Variants in SLC25A13 observed in about 807,000 individuals in gnomAD.
The protein encoded by SLC25A13 is electrogenic aspartate/glutamate antiporter SLC25A13, mitochondrial.
In SLC25A13, 70 loss-of-function variants were observed where a neutral mutation model predicts 85.5. The ratio of observed to expected loss-of-function variants is 0.82; its 90% CI spans 0.68 to 1.00. The LOEUF (loss-of-function observed/expected upper bound fraction) is 1.00. Among genes scored for constraint, SLC25A13 ranks in the 50% least tolerant of loss-of-function variants. The pLI is 0.00. For missense variants in SLC25A13, 765 were observed against 819.8 expected, an observed-to-expected ratio of 0.93 and a Z score of 0.82; for synonymous variants, 259 against 288.7, an observed-to-expected ratio of 0.90 and a Z score of 1.04.
intron 1 of SLC25A13, among the ~76,000 whole-genome samples, chr7:96,308,228 A>C (rs1401552992): frequency 6.6e-6 from 1 of 152,112 alleles, no homozygotes; most frequent in African/African-American, 2.4e-5. Context: ...ATCTGCTAAA[A>C]GTAAGAGAAT....
intron 1 of SLC25A13, among the ~76,000 whole-genome samples, chr7:96,317,642 G>A (rs905191562): frequency 4.0e-5 from 6 of 151,636 alleles, no homozygotes; most frequent in Admixed American, 3.9e-4. Flanking sequence ...CTCAGAAATG[G>A]GCTCTTCTCC....
At chr7:96,230,180 G>A (rs944725839) in intron 4 of SLC25A13, among the ~76,000 whole-genome samples, 1 of 152,292 alleles carries the variant, frequency 6.6e-6, no homozygotes, top group Admixed American at 6.5e-5. Context: ...AAATACATGC[G>A]ACATGGATTA....
At chr7:96,311,614 T>C (rs1242601817) in intron 1 of SLC25A13, among the ~76,000 whole-genome samples, 1 of 152,200 alleles carries the variant, frequency 6.6e-6, no homozygotes, top group African/African-American at 2.4e-5. Flanking sequence ...TATATCTGAA[T>C]ATTGATTAGA....
intron 11 of SLC25A13, among the ~76,000 whole-genome samples, chr7:96,179,135 T>C (rs185857018): frequency 1.2e-4 from 19 of 152,324 alleles, no homozygotes; most frequent in Non-Finnish European, 8.8e-5. Flanking sequence ...GTTCCTCAAC[T>C]CCTCTATTCT....
At chr7:96,188,966 A>C (rs1369041626) in intron 9 of SLC25A13, among the ~76,000 whole-genome samples, 1 of 152,244 alleles carries the variant, frequency 6.6e-6, no homozygotes, top group Non-Finnish European at 1.5e-5. Flanking sequence ...CAGTGACACC[A>C]ACACGGGATT....
At chr7:96,308,925 G>A (rs1453127180) in intron 1 of SLC25A13, among the ~76,000 whole-genome samples, 1 of 152,118 alleles carries the variant, frequency 6.6e-6, no homozygotes, top group Admixed American at 6.5e-5. Context: ...GTTGCTGTTG[G>A]ACACCACAAA....
intron 3 of SLC25A13, among the ~76,000 whole-genome samples, chr7:96,274,217 G>C (rs768343519): frequency 1.3e-5 from 2 of 151,468 alleles, no homozygotes; most frequent in African/African-American, 2.4e-5. Context: ...AAAAAAAATG[G>C]TATCTCATTA....
chr7:96,186,459 T>A (rs977677391), intron 9 of SLC25A13, among the ~76,000 whole-genome samples: 1 of 152,046 alleles, frequency 6.6e-6, no homozygotes, highest in Non-Finnish European at 1.5e-5. Context: ...TAGAAGATAA[T>A]CATGCATGTA....
At chr7:96,283,422 T>C (rs754636749) in intron 2 of SLC25A13, 27 of 422,446 alleles carry the variant, frequency 6.4e-5, no homozygotes, top group East Asian at 2.6e-4. Flanking sequence ...TTAGAAAACA[T>C]AGAGTTGTTC....
chr7:96,192,675 A>G (rs1471285952), intron 6 of SLC25A13, among the ~76,000 whole-genome samples: 2 of 93,070 alleles, frequency 2.1e-5, no homozygotes, highest in African/African-American at 7.0e-5. Flanking sequence ...AATGATATAC[A>G]TGTGCACTAT....
intron 2 of SLC25A13, among the ~76,000 whole-genome samples, chr7:96,293,299 C>A (rs1487935716): frequency 2.6e-4 from 40 of 152,168 alleles, no homozygotes; most frequent in South Asian, 6.2e-4. Flanking sequence ...TAAAGACTTA[C>A]ATGTTAGACC....
chr7:96,184,129 C>T, intron 11 of SLC25A13, 148 bp downstream of exon 11: 1 of 960,362 alleles, frequency 1.0e-6, no homozygotes, highest in Admixed American at 1.9e-5. Context: ...CTAGATGCCT[C>T]CAGCCTACTC....
At chr7:96,122,382 C>T (rs1791549577) in intron 15 of SLC25A13, among the ~76,000 whole-genome samples, 1 of 152,118 alleles carries the variant, frequency 6.6e-6, no homozygotes, top group African/African-American at 2.4e-5. Flanking sequence ...GTTATTAGGT[C>T]CGATTTTTCA....
At chr7:96,260,598 A>G (rs1170467392) in intron 3 of SLC25A13, among the ~76,000 whole-genome samples, 3 of 152,148 alleles carry the variant, frequency 2.0e-5, no homozygotes, top group Non-Finnish European at 2.9e-5. Flanking sequence ...CATGTTTAAC[A>G]GGGAGGTCAA....
intron 15 of SLC25A13, among the ~76,000 whole-genome samples, chr7:96,128,937 T>TCTCTC (rs1366430593): frequency 7.3e-6 from 1 of 136,952 alleles, no homozygotes; most frequent in Non-Finnish European, 1.5e-5. Context: ...TCTGCCTTGC[T>TCTCTC]TGCTCTCTCT....
At chr7:96,262,661 G>T (rs533055693) in intron 3 of SLC25A13, among the ~76,000 whole-genome samples, 7 of 152,256 alleles carry the variant, frequency 4.6e-5, no homozygotes, top group Admixed American at 2.0e-4. Context: ...CAAGGGCAAA[G>T]AATCTTGCAA....
intron 14 of SLC25A13, among the ~76,000 whole-genome samples, chr7:96,140,107 C>T (rs1179598867): frequency 2.1e-4 from 32 of 149,528 alleles, no homozygotes; most frequent in Non-Finnish European, 3.9e-4. Context: ...TACAGGCGCC[C>T]GCCACTACGC....
At chr7:96,207,790 G>A (rs1795514806) in intron 5 of SLC25A13, among the ~76,000 whole-genome samples, 1 of 152,094 alleles carries the variant, frequency 6.6e-6, no homozygotes, top group Admixed American at 6.5e-5. Flanking sequence ...ATGATCATAT[G>A]GGTGGGGGAA....
At chr7:96,121,621 C>T in intron 17 of SLC25A13, 34 bp downstream of exon 17, 1 of 1,605,204 alleles carries the variant, frequency 6.2e-7, no homozygotes, top group East Asian at 2.2e-5. Flanking sequence ...TAGCAGCAGC[C>T]AAAATTTAGC....
Sources: allele counts gnomAD v4.1 joint callset (sites outside exome capture counted in the v4.1 genomes callset), GRCh38; gene constraint gnomAD v4.1.1; transcripts MANE v1.5; gene names NCBI Gene and HGNC (gene_info 2026-07-23, HGNC 2026-07-21).